EML6: variants seen among roughly 807,000 people sequenced by gnomAD.
EML6 encodes the protein echinoderm microtubule-associated protein-like 6.
EML6 carries 154 observed loss-of-function variants against 240.1 expected under a neutral mutation model. The ratio of observed to expected loss-of-function variants is 0.64; its 90% CI spans 0.56 to 0.73. The LOEUF is 0.73. Among genes scored for constraint, EML6 ranks in the 30% least tolerant of loss-of-function variants. The pLI, the probability that EML6 is intolerant of heterozygous loss-of-function variation, is 0.00. For missense variants in EML6, 2,964 were observed against 2,474.6 expected (o/e 1.20, Z -4.20); for synonymous variants, 1,148 against 899.0 (o/e 1.28, Z -4.95).
chr2:54,922,117 A>G (rs1340866832), intron 26 of EML6, among the ~76,000 whole-genome samples: 1 of 152,220 alleles, frequency 6.6e-6, no homozygotes, highest in African/African-American at 2.4e-5. Flanking sequence ...AATCAACAAA[A>G]TGAAAAGGCA....
intron 26 of EML6, among the ~76,000 whole-genome samples, chr2:54,920,062 G>A (rs954127381): frequency 6.6e-6 from 1 of 151,944 alleles, no homozygotes; most frequent in Non-Finnish European, 1.5e-5. Context: ...GTAAACTGTA[G>A]AATTAAGAAA....
chr2:54,870,477 G>C (rs147365866), intron 15 of EML6, among the ~76,000 whole-genome samples: 2 of 152,230 alleles, frequency 1.3e-5, no homozygotes, highest in East Asian at 3.9e-4. Flanking sequence ...GTCCTCCAAA[G>C]GGTAAGGGCT....
chr2:54,811,208 A>G (rs1410137602), intron 2 of EML6, among the ~76,000 whole-genome samples: 2 of 152,082 alleles, frequency 1.3e-5, no homozygotes, highest in African/African-American at 4.8e-5. Flanking sequence ...CATCACTGCT[A>G]GGATTACCTT....
At chr2:54,957,442 C>T (rs947933224) in intron 32 of EML6, among the ~76,000 whole-genome samples, 13 of 151,068 alleles carry the variant, frequency 8.6e-5, no homozygotes, top group African/African-American at 3.2e-4. Context: ...GGGGACGACT[C>T]CTGTGGTGAT....
At chr2:54,747,484 T>A (rs1683963974) in intron 2 of EML6, 1 of 152,204 alleles carries the variant, frequency 6.6e-6, no homozygotes, top group Non-Finnish European at 1.5e-5. Context: ...GAGTTAATAA[T>A]GGGACATTTT....
chr2:54,734,561 T>A (rs1293624651), intron 2 of EML6, among the ~76,000 whole-genome samples: 1 of 152,088 alleles, frequency 6.6e-6, no homozygotes, highest in Non-Finnish European at 1.5e-5. Flanking sequence ...GGGGCGCAGA[T>A]GGAAATGAGG....
rs1250019796 is a variant in EML6 at position 54,853,873 on chromosome 2, G to A, written c.1657+18G>A. The A allele has an allele frequency of 3.3e-6, 5 of 1,501,842 alleles. No individual in the cohort carries two copies. Among genetic ancestry groups the A allele is most frequent in the Middle Eastern group, 1.7e-4 (1 of 5,882 alleles). The allele number at this position is 1,501,842 out of a possible 1,614,324, so 93.0% of individuals were successfully genotyped here. A position where few individuals can be genotyped will look rare whatever the true frequency, so the allele number is the denominator to read the frequency against. On this transcript the variant is annotated intron_variant, in intron 11 of 41. Coordinates refer to ENST00000356458, the MANE Select transcript of EML6 (RefSeq NM_001039753.4). ...CAAGAGAGGTAAGGCCAAAAGAGAT[G>A]TTTCATTGCATAAAGATTTACTCTA...
At chr2:54,848,252 T>C (rs2103723896) in intron 9 of EML6, among the ~76,000 whole-genome samples, 1 of 152,240 alleles carries the variant, frequency 6.6e-6, no homozygotes, top group East Asian at 1.9e-4. Context: ...TTCCTCTGAA[T>C]GCATTTGTCG....
intron 2 of EML6, among the ~76,000 whole-genome samples, chr2:54,791,559 C>A (rs984072824): frequency 2.0e-5 from 3 of 152,156 alleles, no homozygotes; most frequent in African/African-American, 7.2e-5. Flanking sequence ...TCAGTGGATT[C>A]TATAATTAGA....
chr2:54,830,521 C>T (rs1431106705), intron 7 of EML6, among the ~76,000 whole-genome samples: 1 of 152,164 alleles, frequency 6.6e-6, no homozygotes, highest in Non-Finnish European at 1.5e-5. Flanking sequence ...CGAGTTGTTT[C>T]TCCTGGGCTG....
At chr2:54,848,032 C>T (rs1287575940) in intron 9 of EML6, among the ~76,000 whole-genome samples, 2 of 149,842 alleles carry the variant, frequency 1.3e-5, no homozygotes, top group Non-Finnish European at 3.0e-5. Flanking sequence ...CATCTAATTC[C>T]AAGGGTTTTG....
intron 6 of EML6, among the ~76,000 whole-genome samples, chr2:54,828,675 C>T (rs1041636319): frequency 2.0e-5 from 3 of 152,218 alleles, no homozygotes; most frequent in Non-Finnish European, 2.9e-5. Flanking sequence ...TTCACAAAAG[C>T]AGCTGTCTTA....
intron 14 of EML6, chr2:54,868,373 G>C (rs1256400520): frequency 6.6e-6 from 1 of 152,138 alleles, no homozygotes; most frequent in Non-Finnish European, 1.5e-5. Context: ...ATGATGGATT[G>C]GTTTTCAGTT....
At chr2:54,764,376 G>A (rs987803729) in intron 2 of EML6, among the ~76,000 whole-genome samples, 8 of 152,152 alleles carry the variant, frequency 5.3e-5, no homozygotes, top group Admixed American at 5.2e-4. Flanking sequence ...GAGGAAAAAA[G>A]TTGAGCTGAT....
At chr2:54,955,841 C>T (rs1335685376) in intron 32 of EML6, among the ~76,000 whole-genome samples, 1 of 152,240 alleles carries the variant, frequency 6.6e-6, no homozygotes, top group Non-Finnish European at 1.5e-5. Flanking sequence ...CCACCTCTTC[C>T]GGGTTGACCA....
At chr2:54,944,301 A>G (rs1237433581) in intron 28 of EML6, among the ~76,000 whole-genome samples, 1 of 152,132 alleles carries the variant, frequency 6.6e-6, no homozygotes, top group Non-Finnish European at 1.5e-5. Context: ...GTCTCATTCC[A>G]TGATACAACC....
intron 11 of EML6, among the ~76,000 whole-genome samples, chr2:54,856,549 G>T (rs972345623): frequency 2.0e-5 from 3 of 152,210 alleles, no homozygotes; most frequent in African/African-American, 7.2e-5. Context: ...GACTTGAGTT[G>T]CAGAAATCTT....
chr2:54,751,096 C>G lies in EML6; in HGVS notation c.197+25838C>G, dbSNP rs149033171. On this transcript the variant is annotated intron_variant, in intron 2 of 41. Transcript: ENST00000356458. ...CAGATGAGTCCAGGAAACAATAGAT[C>G]CCTGCTTGTTATCTCTTTGAAAGGG... Among the ~76,000 whole-genome samples the G allele has an allele frequency of 5.3e-5, 8 of 152,284 alleles. No individual in the cohort carries two copies. In the East Asian group the frequency reaches 5.8e-4, roughly 11 times the overall value.
chr2:54,828,024 A>G (rs1394976464), intron 6 of EML6, among the ~76,000 whole-genome samples: 6 of 152,242 alleles, frequency 3.9e-5, no homozygotes, highest in Non-Finnish European at 5.9e-5. Flanking sequence ...CATCAGATTC[A>G]TCTTATAGGC....
Sources: allele counts gnomAD v4.1 joint callset (sites outside exome capture counted in the v4.1 genomes callset), GRCh38; gene constraint gnomAD v4.1.1; transcripts MANE v1.5; gene names NCBI Gene and HGNC (gene_info 2026-07-23, HGNC 2026-07-21).